Variants in GATA2 observed in about 807,000 individuals in gnomAD.
The protein encoded by GATA2 is GATA binding protein 2, also known as endothelial transcription factor GATA-2.
GATA2 carries 6 observed loss-of-function variants against 35.7 expected under a neutral mutation model. That is an observed-to-expected ratio of 0.17 (90% CI 0.09 to 0.33). The LOEUF is 0.33. Among genes scored for constraint, GATA2 ranks in the 10% least tolerant of loss-of-function variants. The pLI, the probability that GATA2 is intolerant of heterozygous loss-of-function variation, is 1.00. For missense variants in GATA2, 541 were observed against 656.6 expected (o/e 0.82, Z 1.92); for synonymous variants, 313 against 274.9 (o/e 1.14, Z -1.37).
In GATA2 at chr3:128,485,732, C is replaced by T. The variant is rs780479282; in HGVS notation, c.866G>A (p.Cys289Tyr). 2 of 1,613,606 alleles carry T rather than the reference C, an allele frequency of 1.2e-6. No individual in the cohort carries two copies. The highest frequency in any genetic ancestry group is 1.7e-6 in the Non-Finnish European group (2 of 1,179,950). Residue 289 changes from cysteine to tyrosine, a missense_variant, in exon 3 of 6, where the codon TGT becomes TAT. Around this residue, in one of 5 missense-constraint regions of GATA2, gnomAD observed 389 missense variants for 396.9 expected, o/e 0.98. Coordinates refer to ENST00000341105, the MANE Select transcript of GATA2 (RefSeq NM_032638.5). ...TPKQRSKARS[C>Y]SEGRECVNCG... ...TCCCCAGCACCTGCCTTTACCTGAA[C>T]AGGAACGAGCCTTGCTGCGCTGCTT...
In GATA2 at chr3:128,492,609, G is replaced by T. The variant is rs1421458100; in HGVS notation, c.-46+290C>A. Among the ~76,000 whole-genome samples the T allele has an allele frequency of 2.0e-5, 3 of 152,192 alleles. No homozygotes were observed. The East Asian group carries it at 5.8e-4, about 29-fold the overall frequency. ...AGACAAAGGCCCCAGTTCGGGGGCCGGGAGGCGGGGGTGCTTTGCGAGGCT... is the reference window on the plus strand; with the variant it reads ...AGACAAAGGCCCCAGTTCGGGGGCCTGGAGGCGGGGGTGCTTTGCGAGGCT... On this transcript the variant is annotated intron_variant, in intron 1 of 5. Transcript: ENST00000341105.
rs1576743365 is a variant in GATA2 at position 128,480,342 on chromosome 3, T to G, written c.*677A>C. 1 of 233,428 alleles carries G rather than the reference T, an allele frequency of 4.3e-6. No homozygotes were observed. Among genetic ancestry groups the G allele is most frequent in the East Asian group, 6.0e-5 (1 of 16,598 alleles). The allele number at this position is 233,428 out of a possible 1,614,324, so 14.5% of individuals were successfully genotyped here. A position where few individuals can be genotyped will look rare whatever the true frequency, so the allele number is the denominator to read the frequency against. ...GGAGCGATCTGGGAGACGTTTCCCCTTTCAAGAAAATGTTGTTTCCTTCCT... is the reference window on the plus strand; with the variant it reads ...GGAGCGATCTGGGAGACGTTTCCCCGTTCAAGAAAATGTTGTTTCCTTCCT... On this transcript the variant is annotated 3_prime_UTR_variant, in exon 6 of 6. Transcript: ENST00000341105.
chr3:128,484,137 G>A lies in GATA2; in HGVS notation c.872-132C>T, dbSNP rs191744397. ...GCACACGGTTGGCCTGGGCCTGGCT[G>A]CAACAGCCTGGGCAGGAAGAGGGAC... is the stretch of plus-strand genomic sequence containing the variant. On this transcript the variant is annotated intron_variant, in intron 3 of 5. Coordinates refer to ENST00000341105, the MANE Select transcript of GATA2 (RefSeq NM_032638.5). 3,438 of 1,136,050 alleles carry A rather than the reference G, an allele frequency of 3.0e-3. 5 individuals are homozygous for A. The highest frequency in any genetic ancestry group is 3.8e-3 in the Non-Finnish European group (3,081 of 807,642). 70.4% of individuals were successfully genotyped at this position (1,136,050 alleles called of 1,614,324 possible). A position where few individuals can be genotyped will look rare whatever the true frequency, so the allele number is the denominator to read the frequency against.
At chr3:128,491,208 G>GCCCCCCCCCCC (rs373070119) in intron 1 of GATA2, among the ~76,000 whole-genome samples, 2 of 107,456 alleles carry the variant, frequency 1.9e-5, no homozygotes, top group African/African-American at 4.1e-5. Flanking sequence ...CGGCCGTCCA[G>GCCCCCCCCCCC]CCCCCCCCCC....
At chr3:128,487,181 G>A (rs1444659466) in intron 1 of GATA2, 105 bp from the exon 2 acceptor site, 2 of 646,378 alleles carry the variant, frequency 3.1e-6, no homozygotes, top group Non-Finnish European at 5.2e-6. Flanking sequence ...CAGATCCGGC[G>A]AGAAAGAGCA....
At position 128,493,142 on chromosome 3, in the gene GATA2, G is replaced by C. The variant is rs531075735; in HGVS notation, c.-289C>G. 5.9e-5 allele frequency: 9 copies of C among 152,400 alleles called. No homozygotes were observed. The highest frequency in any genetic ancestry group is 1.9e-4 in the African/African-American group (8 of 41,590). 9.4% of individuals were successfully genotyped at this position (152,400 alleles called of 1,614,324 possible). On this transcript the variant is annotated 5_prime_UTR_variant, in exon 1 of 6. Coordinates refer to ENST00000341105, the MANE Select transcript of GATA2 (RefSeq NM_032638.5). ...GGCAGGCAATAGACAGACTTGAGCAGCGAGTCCCGGGGCGACGCTGGCCTC... is the reference window on the plus strand; with the variant it reads ...GGCAGGCAATAGACAGACTTGAGCACCGAGTCCCGGGGCGACGCTGGCCTC...
At position 128,486,705 on chromosome 3, in the gene GATA2, C is replaced by A. The variant is rs2068704161; in HGVS notation, c.229+98G>T. ...CAATTTTTCAGCAGCTCGATTCCTG[C>A]GGATCCTACATCCGGGAAGCAAGCA... On this transcript the variant is annotated intron_variant, in intron 2 of 5. Coordinates refer to ENST00000341105, the MANE Select transcript of GATA2 (RefSeq NM_032638.5). 3.3e-6 allele frequency: 4 copies of A among 1,225,310 alleles called. No homozygotes were observed. In the South Asian group the frequency reaches 5.3e-5, roughly 16 times the overall value. 75.9% of individuals were successfully genotyped at this position (1,225,310 alleles called of 1,614,324 possible).
intron 4 of GATA2, among the ~76,000 whole-genome samples, chr3:128,483,639 G>A (rs1452566136): frequency 2.0e-5 from 3 of 152,162 alleles, no homozygotes; most frequent in East Asian, 3.9e-4. Context: ...GTGGGGTGGC[G>A]CAAGGGTGCC....
chr3:128,481,810 C>T lies in GATA2; in HGVS notation c.1143+9G>A, dbSNP rs533617078. 4.0e-5 allele frequency: 65 copies of T among 1,611,346 alleles called. No individual in the cohort carries two copies. The highest frequency in any genetic ancestry group is 7.7e-5 in the South Asian group (7 of 91,016). ...GAGGGGCGGGGTGGCCGGGGCGGGG[C>T]GCACTCACATTGTGCAGCTTGTAGT... On this transcript the variant is annotated intron_variant, in intron 5 of 5. Transcript: ENST00000341105.
chr3:128,480,592 G>A lies in GATA2; in HGVS notation c.*427C>T, dbSNP rs77448517. The A allele has an allele frequency of 1.3e-3, 354 of 269,074 alleles. 2 individuals carry two copies. In the East Asian group the frequency reaches 0.019, roughly 14 times the overall value. The allele number at this position is 269,074 out of a possible 1,614,324, so 16.7% of individuals were successfully genotyped here. A position where few individuals can be genotyped will look rare whatever the true frequency, so the allele number is the denominator to read the frequency against. On this transcript the variant is annotated 3_prime_UTR_variant, in exon 6 of 6. Transcript: ENST00000341105. ...AAATCTGCCCCCAGAGCCCTGGCAA[G>A]TGGACCCGCCAATCCCGAGGAAGAA...
In GATA2 at chr3:128,481,921, G is replaced by A. The variant is rs1410526674; in HGVS notation, c.1041C>T (p.Thr347=). Residue 347 remains threonine, a synonymous_variant, in exon 5 of 6, where the codon ACC becomes ACT. Transcript: ENST00000341105. ...RRLSAARRAG[T]CCANCQTTTT... ...TTGTCGTCTGACAATTTGCACAACA[G>A]GTGCCGGCTCTTCTGGCGGCCGACT... The A allele has an allele frequency of 4.3e-6, 7 of 1,613,956 alleles. No homozygotes were observed. Among genetic ancestry groups the A allele is most frequent in the Non-Finnish European group, 5.9e-6 (7 of 1,180,028 alleles).
At chr3:128,481,442 C>G (rs1394920008) in intron 5 of GATA2, 124 bp from the exon 6 acceptor site, 25 of 1,091,336 alleles carry the variant, frequency 2.3e-5, no homozygotes, top group Middle Eastern at 4.2e-4. Context: ...GAATTGTGCC[C>G]GACCTTCATA....
chr3:128,491,991 G>T (rs909203669), intron 1 of GATA2: 2 of 152,246 alleles, frequency 1.3e-5, no homozygotes, highest in Admixed American at 1.3e-4. Context: ...CTCGGCTGCC[G>T]CACGGGCCCT....
At position 128,486,262 on chromosome 3, in the gene GATA2, G is replaced by C. The variant is rs2068697916; in HGVS notation, c.336C>G (p.His112Gln). ...AGGGGCTCACGGTCCAGGGGTTGTG[G>C]TGGTGGGCCGCAGCGGCAGAGAGGG... is the stretch of plus-strand genomic sequence containing the variant. ...KAALSAAAAH[H>Q]HNPWTVSPFS... is the part of the protein sequence containing the mutation. The change falls in exon 3 of 6, where the codon CAC (histidine) becomes CAG (glutamine). Residue 112 changes from histidine to glutamine, a missense_variant. By Grantham distance (24) the His-to-Gln change is conservative. Coordinates refer to ENST00000341105, the MANE Select transcript of GATA2 (RefSeq NM_032638.5). The C allele has an allele frequency of 2.5e-6, 4 of 1,570,620 alleles. No homozygotes were observed. The highest frequency in any genetic ancestry group is 1.3e-5 in the African/African-American group (1 of 74,600).
intron 1 of GATA2, among the ~76,000 whole-genome samples, chr3:128,487,387 C>A (rs1334737764): frequency 1.3e-5 from 2 of 152,208 alleles, no homozygotes; most frequent in Non-Finnish European, 2.9e-5. Flanking sequence ...CAGACACTCA[C>A]ACTGAGCCCC....
In GATA2 at chr3:128,488,941, C is replaced by T. The variant is rs1309267068; in HGVS notation, c.-45-1865G>A. Among the ~76,000 whole-genome samples, 1 of 152,066 alleles carries T rather than the reference C, an allele frequency of 6.6e-6. No individual in the cohort carries two copies. Among genetic ancestry groups the T allele is most frequent in the Non-Finnish European group, 1.5e-5 (1 of 67,996 alleles). The stretch of plus-strand genomic sequence containing the variant: ...CCAGGACAAAGGCATTTTGGGGGAC[C>T]TAGACAGGTGCCGAGTACTGGGGGG... On this transcript the variant is annotated intron_variant, in intron 1 of 5. Transcript: ENST00000341105. The surrounding 1 kb of genome is among the most constrained non-coding windows in gnomAD (Gnocchi z 5.8).
In GATA2 at chr3:128,481,187, T is replaced by C. The variant is rs1296614892; in HGVS notation, c.1275A>G (p.Ser425=). Residue 425 remains serine (S), a synonymous_variant, in exon 6 of 6, where the codon TCA becomes TCG. Coordinates refer to ENST00000341105, the MANE Select transcript of GATA2 (RefSeq NM_032638.5). ...EELSKCMQEK[S]SPFSAAALAG... is the part of the protein sequence containing the mutation. ...CCAGGGCAGCTGCACTGAAGGGGGA[T>C]GACTTCTCCTGCATGCACTTTGACA... 6.2e-7 allele frequency: 1 copy of C among 1,614,188 alleles called. No homozygotes were observed.
In GATA2 at chr3:128,480,833, G is replaced by A; in HGVS notation, c.*186C>T. ...ACCTGGGCAGCGGTCAGGTGCGGAG[G>A]CAGCCTCTCAGCGGTGGGGAACATT... On this transcript the variant is annotated 3_prime_UTR_variant, in exon 6 of 6. Coordinates refer to ENST00000341105, the MANE Select transcript of GATA2 (RefSeq NM_032638.5). 3 of 649,646 alleles carry A rather than the reference G, an allele frequency of 4.6e-6. No individual in the cohort carries two copies. Among genetic ancestry groups the A allele is most frequent in the Non-Finnish European group, 7.7e-6 (3 of 389,274 alleles). 40.2% of individuals were successfully genotyped at this position (649,646 alleles called of 1,614,324 possible). A position where few individuals can be genotyped will look rare whatever the true frequency, so the allele number is the denominator to read the frequency against.
Position 128,486,235 on chromosome 3 carries a change from G to C in GATA2, c.363C>G (p.Phe121Leu). ...HHHNPWTVSP[F>L]SKTPLHPSAA... ...CTGAGGGGTGCAGTGGCGTCTTGGAGAAGGGGCTCACGGTCCAGGGGTTGT... is the reference window on the plus strand; with the variant it reads ...CTGAGGGGTGCAGTGGCGTCTTGGACAAGGGGCTCACGGTCCAGGGGTTGT... Residue 121 changes from phenylalanine to leucine, a missense_variant, in exon 3 of 6, where the codon TTC becomes TTG. Coordinates refer to ENST00000341105, the MANE Select transcript of GATA2 (RefSeq NM_032638.5). The C allele has an allele frequency of 6.4e-7, 1 of 1,563,000 alleles. No individual in the cohort carries two copies. The highest frequency in any genetic ancestry group is 8.7e-7 in the Non-Finnish European group (1 of 1,153,696).
Sources: gnomAD v4.1 joint callset for allele counts (sites outside exome capture counted in the v4.1 genomes callset) on GRCh38, gnomAD v4.1.1 for gene constraint, gnomAD v4.1.1 regional missense constraint, Gnocchi (gnomAD v3.1) non-coding constraint, MANE v1.5 for transcripts, NCBI Gene and HGNC (gene_info 2026-07-23, HGNC 2026-07-21) for gene names.